ZNF148: variants seen among roughly 807,000 people sequenced by gnomAD.
ZNF148 encodes the protein Beta-Enolase Repressor Factor-1.
Under a neutral mutation model 67.7 loss-of-function variants are expected in ZNF148, and 7 were observed. The observed-to-expected ratio is 0.10, with a 90% confidence interval of 0.06 to 0.19. The LOEUF (loss-of-function observed/expected upper bound fraction) is 0.19. Ranked by LOEUF, ZNF148 falls within the 10% of genes least tolerant of loss-of-function variation. The pLI is 1.00. For missense variants in ZNF148, 583 were observed against 947.1 expected, an observed-to-expected ratio of 0.62 and a Z score of 5.05; for synonymous variants, 333 against 330.7, an observed-to-expected ratio of 1.01 and a Z score of -0.08.
intron 5 of ZNF148, among the ~76,000 whole-genome samples, chr3:125,287,820 G>T (rs1045170416): frequency 3.3e-5 from 5 of 152,026 alleles, no homozygotes; most frequent in African/African-American, 1.2e-4. Flanking sequence ...TTAATATAAA[G>T]ATAAGGAAAA....
intron 1 of ZNF148, among the ~76,000 whole-genome samples, chr3:125,338,012 G>C (rs554369310): frequency 5.9e-5 from 9 of 152,180 alleles, no homozygotes; most frequent in African/African-American, 1.9e-4. Context: ...GCTGAGGTGG[G>C]AGGATTACTT....
chr3:125,312,300 C>T (rs1282099943), intron 4 of ZNF148, among the ~76,000 whole-genome samples: 1 of 152,054 alleles, frequency 6.6e-6, no homozygotes, highest in Non-Finnish European at 1.5e-5. Context: ...TAATGTAATC[C>T]ATTACATCAT....
chr3:125,372,087 G>T (rs944728735), intron 1 of ZNF148, among the ~76,000 whole-genome samples: 1 of 150,136 alleles, frequency 6.7e-6, no homozygotes, highest in Non-Finnish European at 1.5e-5. Context: ...AAAAAATACT[G>T]CAATCTGGTA....
At chr3:125,289,445 TAGTAATTCTACCA>T (rs1938887229) in intron 4 of ZNF148, among the ~76,000 whole-genome samples, 1 of 152,208 alleles carries the variant, frequency 6.6e-6, no homozygotes. Flanking sequence ...TTTATTTAGC[TAGTAATTCTACCA>T]AGTTACAGAA....
chr3:125,234,422 A>C (rs1579579249), intron 7 of ZNF148, 93 bp from the exon 8 acceptor site: 1 of 896,984 alleles, frequency 1.1e-6, no homozygotes, highest in East Asian at 2.5e-5. Context: ...ATGGCTTTTG[A>C]AAGTTGTAAC....
intron 7 of ZNF148, among the ~76,000 whole-genome samples, chr3:125,273,682 T>C (rs879744150): frequency 5.9e-5 from 9 of 151,920 alleles, no homozygotes; most frequent in African/African-American, 2.4e-5. Flanking sequence ...TTAGTAGAGA[T>C]TGGGTTTCAC....
chr3:125,286,879 T>C (rs1490207663), intron 5 of ZNF148, among the ~76,000 whole-genome samples: 1 of 152,188 alleles, frequency 6.6e-6, no homozygotes, highest in East Asian at 1.9e-4. Context: ...AGTCTCTATG[T>C]TTTTCAAAAT....
intron 1 of ZNF148, among the ~76,000 whole-genome samples, chr3:125,364,618 C>T (rs551163483): frequency 6.8e-6 from 1 of 147,572 alleles, no homozygotes; most frequent in Admixed American, 6.9e-5. Context: ...AAACACACAA[C>T]ACTACTCTGT....
chr3:125,363,250 C>T (rs757957430), intron 1 of ZNF148, among the ~76,000 whole-genome samples: 34 of 152,212 alleles, frequency 2.2e-4, no homozygotes, highest in Non-Finnish European at 4.3e-4. Context: ...CTTCAATTAA[C>T]ACTTCAATTA....
intron 1 of ZNF148, among the ~76,000 whole-genome samples, chr3:125,358,228 G>A (rs1165266142): frequency 3.9e-5 from 6 of 151,952 alleles, no homozygotes; most frequent in African/African-American, 9.7e-5. Flanking sequence ...CAGGAGAATC[G>A]CTTGAACCCA....
chr3:125,262,385 T>C (rs950328815), intron 7 of ZNF148, among the ~76,000 whole-genome samples: 6 of 152,216 alleles, frequency 3.9e-5, no homozygotes, highest in Non-Finnish European at 7.3e-5. Context: ...TCTGACGAAA[T>C]TGTAGTTTGA....
At chr3:125,367,168 ATAATT>A (rs1372614559) in intron 1 of ZNF148, among the ~76,000 whole-genome samples, 2 of 152,254 alleles carry the variant, frequency 1.3e-5, no homozygotes, top group Non-Finnish European at 2.9e-5. Context: ...ATAAATCAAC[ATAATT>A]TAATAACTTC....
intron 7 of ZNF148, among the ~76,000 whole-genome samples, chr3:125,270,130 AG>A (rs1937653672): frequency 6.6e-6 from 1 of 152,186 alleles, no homozygotes; most frequent in African/African-American, 2.4e-5. Flanking sequence ...AATTAAAAAA[AG>A]TTTAATAATT....
chr3:125,321,259 T>C (rs1183278228), intron 3 of ZNF148, among the ~76,000 whole-genome samples: 1 of 152,142 alleles, frequency 6.6e-6, no homozygotes, highest in East Asian at 1.9e-4. Flanking sequence ...TAATGGTAAC[T>C]GGACAAAATG....
At chr3:125,268,570 AG>A (rs1377720228) in intron 7 of ZNF148, among the ~76,000 whole-genome samples, 1 of 152,264 alleles carries the variant, frequency 6.6e-6, no homozygotes. Context: ...GACAAATTAA[AG>A]ACTTAAATGT....
intron 7 of ZNF148, among the ~76,000 whole-genome samples, chr3:125,262,230 A>C (rs1272048071): frequency 1.3e-5 from 2 of 152,218 alleles, no homozygotes; most frequent in Non-Finnish European, 2.9e-5. Context: ...ATTTACAGAA[A>C]ATTTTATTAG....
chr3:125,279,381 G>T, intron 5 of ZNF148, 134 bp from the exon 6 acceptor site: 1 of 746,586 alleles, frequency 1.3e-6, no homozygotes, highest in Non-Finnish European at 2.0e-6. Flanking sequence ...AAATGATCTT[G>T]AAAAGACTAT....
chr3:125,261,385 A>C (rs1046369150), intron 7 of ZNF148, among the ~76,000 whole-genome samples: 5 of 152,180 alleles, frequency 3.3e-5, no homozygotes, highest in African/African-American at 1.2e-4. Context: ...TGTTGGAGTA[A>C]CACAGTCAGG....
chr3:125,301,001 G>A (rs924228883), intron 4 of ZNF148, among the ~76,000 whole-genome samples: 91 of 152,144 alleles, frequency 6.0e-4, no homozygotes, highest in African/African-American at 1.8e-3. Context: ...TGAGTTGAGA[G>A]GCTTTCTAAT....
Sources: gnomAD v4.1 joint callset for allele counts (sites outside exome capture counted in the v4.1 genomes callset) on GRCh38, gnomAD v4.1.1 for gene constraint, MANE v1.5 for transcripts, NCBI Gene and HGNC (gene_info 2026-07-23, HGNC 2026-07-21) for gene names.